BCAR3: variants seen among roughly 807,000 people sequenced by gnomAD.
BCAR3 encodes the protein BCAR3 adaptor protein, NSP family member.
BCAR3 carries 37 observed loss-of-function variants against 80.1 expected under a neutral mutation model. That is an observed-to-expected ratio of 0.46 (90% confidence interval 0.36 to 0.61). The LOEUF (loss-of-function observed/expected upper bound fraction) is 0.61. Among genes scored for constraint, BCAR3 ranks in the 20% least tolerant of loss-of-function variants. The probability of loss-of-function intolerance (pLI) is 0.00; values close to 1 mark genes in which losing one functional copy is unlikely to be tolerated. For missense variants in BCAR3, 978 were observed against 1,068.2 expected (o/e 0.92, Z 1.18); for synonymous variants, 389 against 418.9 (o/e 0.93, Z 0.87).
intron 2 of BCAR3, among the ~76,000 whole-genome samples, chr1:93,653,766 C>A (rs929561483): frequency 6.6e-6 from 1 of 152,156 alleles, no homozygotes; most frequent in Non-Finnish European, 1.5e-5. Context: ...TCAGTGGGGA[C>A]TTGTTTCAGT....
intron 3 of BCAR3, among the ~76,000 whole-genome samples, chr1:93,695,693 G>C (rs370937682): frequency 2.2e-4 from 34 of 152,282 alleles, no homozygotes; most frequent in African/African-American, 8.2e-4. Context: ...CTGCAGTCAG[G>C]CCTGCCTCAG....
At chr1:93,595,689 G>A (rs1674391514) in intron 3 of BCAR3, among the ~76,000 whole-genome samples, 1 of 152,226 alleles carries the variant, frequency 6.6e-6, no homozygotes, top group Non-Finnish European at 1.5e-5. Context: ...CTTTAGATAA[G>A]TACTTTGATG....
At chr1:93,637,979 G>T (rs956240341) in intron 3 of BCAR3, among the ~76,000 whole-genome samples, 33 of 152,200 alleles carry the variant, frequency 2.2e-4, no homozygotes, top group African/African-American at 8.0e-4. Context: ...CTGGGGCGCG[G>T]TGGCTCACGC....
chr1:93,671,277 G>A (rs1210572204), intron 2 of BCAR3, among the ~76,000 whole-genome samples: 3 of 152,206 alleles, frequency 2.0e-5, no homozygotes, highest in African/African-American at 4.8e-5. Flanking sequence ...ACAGGCGTGA[G>A]CCACCAAGCC....
intron 2 of BCAR3, among the ~76,000 whole-genome samples, chr1:93,672,724 C>T (rs1480195266): frequency 6.6e-6 from 1 of 152,170 alleles, no homozygotes; most frequent in South Asian, 2.1e-4. Flanking sequence ...TTTGTGGAGC[C>T]GGTCCAGGGC....
At chr1:93,659,728 T>C (rs17110248) in intron 2 of BCAR3, among the ~76,000 whole-genome samples, 4,106 of 152,070 alleles carry the variant, frequency 0.027, 65 homozygotes, top group Middle Eastern at 0.055. Context: ...CTCCTTACAC[T>C]CCAGCAAATT....
At chr1:93,596,015 A>G (rs1161113630) in intron 3 of BCAR3, among the ~76,000 whole-genome samples, 2 of 152,230 alleles carry the variant, frequency 1.3e-5, no homozygotes, top group Non-Finnish European at 2.9e-5. Context: ...CAACTTGGCT[A>G]TGAAGCAAAT....
At chr1:93,821,036 C>T (rs149743217) in intron 2 of BCAR3, among the ~76,000 whole-genome samples, 236 of 152,186 alleles carry the variant, frequency 1.6e-3, no homozygotes, top group African/African-American at 5.3e-3. Context: ...CCTATCACTC[C>T]GGAAATTACA....
intron 1 of BCAR3, among the ~76,000 whole-genome samples, chr1:93,846,316 G>C (rs896206545): frequency 2.0e-5 from 3 of 152,202 alleles, no homozygotes; most frequent in Non-Finnish European, 4.4e-5. Flanking sequence ...GTGCAGAAAC[G>C]GGCTGTGGCC....
At chr1:93,652,547 C>T (rs1676356296) in intron 2 of BCAR3, among the ~76,000 whole-genome samples, 1 of 152,100 alleles carries the variant, frequency 6.6e-6, no homozygotes, top group Admixed American at 6.5e-5. Context: ...CAAGACTGTA[C>T]AGCAAACAGT....
chr1:93,573,615 A>ATTTGTT lies in BCAR3; in HGVS notation c.1803-1775_1803-1774insAACAAA, dbSNP rs919862286. Among the ~76,000 whole-genome samples, 85 of 129,748 alleles carry ATTTGTT rather than the reference A, an allele frequency of 6.6e-4. 6 individuals carry two copies. The highest frequency in any genetic ancestry group is 1.1e-3 in the Non-Finnish European group (65 of 59,990). 85.1% of individuals were successfully genotyped at this position (129,748 alleles called of 152,430 possible). A position where few individuals can be genotyped will look rare whatever the true frequency, so the allele number is the denominator to read the frequency against. On this transcript the variant is annotated intron_variant, in intron 8 of 11. Coordinates refer to ENST00000260502, the MANE Select transcript of BCAR3 (RefSeq NM_003567.4). ...CATAGACCTAAAATATATTTTTATT[A>ATTTGTT]TTATTATTATTATTATTATTTTTTT...
At chr1:93,618,070 A>C (rs1675193862) in intron 3 of BCAR3, among the ~76,000 whole-genome samples, 1 of 152,214 alleles carries the variant, frequency 6.6e-6, no homozygotes, top group Admixed American at 6.5e-5. Context: ...CTTTGTGCAA[A>C]AGGTCAGCTC....
At chr1:93,744,790 G>A (rs377349535) in intron 2 of BCAR3, among the ~76,000 whole-genome samples, 3 of 152,182 alleles carry the variant, frequency 2.0e-5, no homozygotes, top group East Asian at 1.9e-4. Flanking sequence ...TCAGTCAAAC[G>A]CAATGGGTTT....
intron 2 of BCAR3, among the ~76,000 whole-genome samples, chr1:93,643,730 T>C (rs979156908): frequency 5.9e-5 from 9 of 152,010 alleles, no homozygotes; most frequent in South Asian, 2.1e-4. Flanking sequence ...ATGAGGACTA[T>C]AGGTAATACA....
chr1:93,643,648 G>A (rs1465819475), intron 2 of BCAR3, among the ~76,000 whole-genome samples: 1 of 151,620 alleles, frequency 6.6e-6, no homozygotes, highest in Admixed American at 6.6e-5. Flanking sequence ...AGAGGAAATG[G>A]GGAGATGTAG....
At chr1:93,606,122 A>G (rs185317987) in intron 3 of BCAR3, among the ~76,000 whole-genome samples, 174 of 152,330 alleles carry the variant, frequency 1.1e-3, no homozygotes, top group African/African-American at 4.0e-3. Context: ...CACTTTCAAT[A>G]TACAACTCAC....
intron 2 of BCAR3, among the ~76,000 whole-genome samples, chr1:93,785,335 A>C (rs931309200): frequency 6.6e-5 from 10 of 152,194 alleles, no homozygotes; most frequent in African/African-American, 2.4e-4. Flanking sequence ...GTTAAGTGGT[A>C]ACAGGGAGTG....
intron 2 of BCAR3, among the ~76,000 whole-genome samples, chr1:93,752,454 G>T (rs958820751): frequency 2.0e-5 from 3 of 152,248 alleles, no homozygotes; most frequent in Non-Finnish European, 4.4e-5. Context: ...CACGGCTGCA[G>T]ACATTTGTCC....
At chr1:93,814,663 T>G (rs1653956052) in intron 2 of BCAR3, among the ~76,000 whole-genome samples, 1 of 152,224 alleles carries the variant, frequency 6.6e-6, no homozygotes, top group Non-Finnish European at 1.5e-5. Context: ...GGGTCACCAC[T>G]GGTGTGTGTA....
Sources: allele counts gnomAD v4.1 joint callset (sites outside exome capture counted in the v4.1 genomes callset), GRCh38; gene constraint gnomAD v4.1.1; transcripts MANE v1.5; gene names NCBI Gene and HGNC (gene_info 2026-07-23, HGNC 2026-07-21).